The following HDAC9 variants were observed in gnomAD, a reference collection of about 807,000 sequenced individuals.
The protein encoded by HDAC9 is histone deacetylase 9.
Under a neutral mutation model 139.4 loss-of-function variants are expected in HDAC9, and 41 were observed. That is an observed-to-expected ratio of 0.29 (90% CI 0.23 to 0.38). HDAC9 has a LOEUF of 0.38. Among genes scored for constraint, HDAC9 ranks in the 10% least tolerant of loss-of-function variants. The pLI is 1.00. For synonymous variants in HDAC9, 517 were observed against 476.2 expected, an observed-to-expected ratio of 1.09 and a Z score of -1.12; for missense variants, 1,147 against 1,297.0, an observed-to-expected ratio of 0.88 and a Z score of 1.78.
intron 22 of HDAC9, among the ~76,000 whole-genome samples, chr7:18,904,146 A>G (rs1801987094): frequency 6.6e-6 from 1 of 152,226 alleles, no homozygotes; most frequent in Non-Finnish European, 1.5e-5. Flanking sequence ...ATTTCTTTTA[A>G]GTAGATAAAG....
chr7:18,691,542 T>C lies in HDAC9; in HGVS notation c.1731+25066T>C, dbSNP rs115368570. 2.1e-3 allele frequency among the ~76,000 whole-genome samples: 327 copies of C among 152,116 alleles called. 2 individuals are homozygous for C. The highest frequency in any genetic ancestry group is 7.6e-3 in the African/African-American group (316 of 41,536). The stretch of plus-strand genomic sequence containing the variant: ...TTCGTGGTTTCTGGCTTGGTAATAT[T>C]TGGCTTGTAGGTAAAGGGGAAGAAA... On this transcript the variant is annotated intron_variant, in intron 12 of 25. Transcript: ENST00000686413.
chr7:18,528,235 A>T (rs1314485273), intron 2 of HDAC9, among the ~76,000 whole-genome samples: 1 of 150,730 alleles, frequency 6.6e-6, no homozygotes, highest in African/African-American at 2.5e-5. Flanking sequence ...GTGCTTCTGT[A>T]GAAGTTTTCC....
At chr7:18,415,910 A>G (rs1789010527) in intron 1 of HDAC9, among the ~76,000 whole-genome samples, 1 of 152,178 alleles carries the variant, frequency 6.6e-6, no homozygotes. Flanking sequence ...ATGCTAAATC[A>G]TCTATGCATT....
intron 2 of HDAC9, among the ~76,000 whole-genome samples, chr7:18,252,924 C>T (rs1795010114): frequency 6.6e-6 from 1 of 151,828 alleles, no homozygotes. Context: ...CTCTTCCATC[C>T]TCCACCCCAG....
At chr7:18,532,241 GAAC>G (rs933018552) in intron 2 of HDAC9, among the ~76,000 whole-genome samples, 15 of 151,972 alleles carry the variant, frequency 9.9e-5, no homozygotes, top group Admixed American at 2.6e-4. Flanking sequence ...CGCCATCTCA[GAAC>G]AACAACAACA....
intron 16 of HDAC9, among the ~76,000 whole-genome samples, chr7:18,769,121 T>G (rs925002067): frequency 3.3e-5 from 5 of 152,126 alleles, no homozygotes; most frequent in Non-Finnish European, 7.4e-5. Context: ...ATCTGTATAT[T>G]TAATGTATGA....
intron 22 of HDAC9, among the ~76,000 whole-genome samples, chr7:18,919,622 C>T (rs1288661890): frequency 6.6e-6 from 1 of 151,862 alleles, no homozygotes; most frequent in African/African-American, 2.4e-5. Flanking sequence ...GAAAAGAGCA[C>T]TTGAAAGGGA....
intron 1 of HDAC9, among the ~76,000 whole-genome samples, chr7:18,432,875 C>T (rs1428047949): frequency 2.0e-5 from 3 of 151,558 alleles, no homozygotes; most frequent in Non-Finnish European, 2.9e-5. Context: ...GGCATGAACC[C>T]GGGAGGCGGA....
intron 1 of HDAC9, among the ~76,000 whole-genome samples, chr7:18,107,018 A>T (rs961840996): frequency 6.6e-6 from 1 of 152,190 alleles, no homozygotes; most frequent in Non-Finnish European, 1.5e-5. Context: ...TTGAGTGTGC[A>T]TGTAAGTGTT....
intron 6 of HDAC9, among the ~76,000 whole-genome samples, chr7:18,617,633 A>G (rs1043340064): frequency 1.3e-5 from 2 of 152,152 alleles, no homozygotes; most frequent in Non-Finnish European, 2.9e-5. Context: ...ATGCCCAAAT[A>G]TGCCCTGACA....
chr7:18,535,722 CAAAAAAAAAAAAAAA>C (rs72123660), intron 2 of HDAC9, among the ~76,000 whole-genome samples: 1 of 49,232 alleles, frequency 2.0e-5, no homozygotes, highest in African/African-American at 8.1e-5. Flanking sequence ...AGGCATTAAG[CAAAAAAAAAAAAAAA>C]AAAAAAAAAA....
At chr7:18,455,291 T>G (rs1793241102) in intron 1 of HDAC9, among the ~76,000 whole-genome samples, 1 of 152,102 alleles carries the variant, frequency 6.6e-6, no homozygotes, top group Non-Finnish European at 1.5e-5. Flanking sequence ...AAAAAAAAAG[T>G]TAAGTCAAAC....
intron 2 of HDAC9, among the ~76,000 whole-genome samples, chr7:18,517,484 C>T (rs1803611183): frequency 6.6e-6 from 1 of 152,142 alleles, no homozygotes; most frequent in South Asian, 2.1e-4. Context: ...TCCTCCCCTC[C>T]ATTTCTCCTC....
intron 2 of HDAC9, among the ~76,000 whole-genome samples, chr7:18,574,430 C>T (rs940473925): frequency 3.9e-5 from 6 of 152,322 alleles, no homozygotes; most frequent in East Asian, 1.9e-4. Flanking sequence ...GGTCCATGGA[C>T]GGCCATGGGT....
chr7:18,528,423 G>A (rs886610503), intron 2 of HDAC9, among the ~76,000 whole-genome samples: 1 of 152,034 alleles, frequency 6.6e-6, no homozygotes, highest in Non-Finnish European at 1.5e-5. Flanking sequence ...TATAAGCCCA[G>A]TGAAGGAAAT....
At chr7:18,650,557 G>A (rs186255020) in intron 11 of HDAC9, among the ~76,000 whole-genome samples, 3 of 152,224 alleles carry the variant, frequency 2.0e-5, no homozygotes, top group Non-Finnish European at 4.4e-5. Context: ...TATCAAACTC[G>A]AGATTTTGAC....
At chr7:18,552,636 T>C (rs1817521588) in intron 2 of HDAC9, among the ~76,000 whole-genome samples, 1 of 152,194 alleles carries the variant, frequency 6.6e-6, no homozygotes, top group Non-Finnish European at 1.5e-5. Context: ...TGGCATATTC[T>C]CCCACTTCTT....
chr7:18,672,391 A>T (rs1367855111), intron 12 of HDAC9, among the ~76,000 whole-genome samples: 1 of 151,920 alleles, frequency 6.6e-6, no homozygotes, highest in African/African-American at 2.4e-5. Context: ...CCCATTTTCT[A>T]GTTGGCTTGC....
intron 12 of HDAC9, among the ~76,000 whole-genome samples, chr7:18,672,842 G>C (rs1442167297): frequency 6.6e-6 from 1 of 151,880 alleles, no homozygotes. Context: ...CTTATTATAT[G>C]AGTTGATGCA....
Sources: allele counts gnomAD v4.1 joint callset (sites outside exome capture counted in the v4.1 genomes callset), GRCh38; gene constraint gnomAD v4.1.1; transcripts MANE v1.5; gene names NCBI Gene and HGNC (gene_info 2026-07-23, HGNC 2026-07-21).